PDE4D: variants seen among roughly 807,000 people sequenced by gnomAD.
PDE4D encodes the protein 3',5'-cyclic-AMP phosphodiesterase 4D.
In PDE4D, 24 loss-of-function variants were observed where a neutral mutation model predicts 87.4. The ratio of observed to expected loss-of-function variants is 0.27; its 90% CI spans 0.20 to 0.39. The LOEUF (loss-of-function observed/expected upper bound fraction) is 0.39. PDE4D is among the 10% of genes least tolerant of loss of function. The pLI is 1.00. For synonymous variants in PDE4D, 384 were observed against 383.2 expected (o/e 1.00, Z -0.02); for missense variants, 714 against 1,041.0 (o/e 0.69, Z 4.32).
chr5:60,067,244 G>A (rs945769008), intron 2 of PDE4D, among the ~76,000 whole-genome samples: 4 of 152,044 alleles, frequency 2.6e-5, no homozygotes, highest in African/African-American at 9.7e-5. Flanking sequence ...CATGTGATCT[G>A]TAATGTAAAT....
intron 1 of PDE4D, among the ~76,000 whole-genome samples, chr5:59,220,356 C>T (rs181819017): frequency 8.1e-5 from 9 of 111,452 alleles, no homozygotes; most frequent in East Asian, 3.1e-4. Flanking sequence ...CCAATCTAGG[C>T]GACAGAGCAT....
intron 2 of PDE4D, among the ~76,000 whole-genome samples, chr5:60,140,551 GA>G (rs59594399): frequency 0.72 from 101,240 of 140,882 alleles, 35,951 homozygotes; most frequent in African/African-American, 0.8. Flanking sequence ...AATAAAAGGA[GA>G]AAAAAAAAAA....
At position 58,970,111 on chromosome 5, in the gene PDE4D, A is replaced by G. The variant is rs2153287636; in HGVS notation, c.*4553T>C. The G allele has an allele frequency of 6.6e-6, 1 of 152,290 alleles. No homozygotes were observed. Among genetic ancestry groups the G allele is most frequent in the East Asian group, 1.9e-4 (1 of 5,186 alleles). The allele number at this position is 152,290 out of a possible 1,614,324, so 9.4% of individuals were successfully genotyped here. On this transcript the variant is annotated 3_prime_UTR_variant, in exon 15 of 15. Transcript: ENST00000340635. ...CATGCTTTTATTTTCATTGCATATAAAAATTTCATATGAAGGTATTGATGT... is the reference window on the plus strand; with the variant it reads ...CATGCTTTTATTTTCATTGCATATAGAAATTTCATATGAAGGTATTGATGT...
intron 1 of PDE4D, among the ~76,000 whole-genome samples, chr5:60,363,014 T>C: frequency 6.6e-6 from 1 of 152,172 alleles, no homozygotes; most frequent in Non-Finnish European, 1.5e-5. Context: ...GCTGTGCTTA[T>C]CACCGGTTGC....
intron 1 of PDE4D, among the ~76,000 whole-genome samples, chr5:59,357,534 G>A (rs1781584003): frequency 6.6e-6 from 1 of 152,162 alleles, no homozygotes; most frequent in Non-Finnish European, 1.5e-5. Context: ...ACTTTTGGCA[G>A]CTTTGCCCTC....
chr5:59,419,899 C>T (rs944017314), intron 1 of PDE4D, among the ~76,000 whole-genome samples: 4 of 152,142 alleles, frequency 2.6e-5, no homozygotes, highest in Admixed American at 1.3e-4. Context: ...CAATGTAAGG[C>T]AAAATGTTCA....
intron 1 of PDE4D, among the ~76,000 whole-genome samples, chr5:59,665,822 G>A (rs905023686): frequency 1.3e-5 from 2 of 152,142 alleles, no homozygotes; most frequent in Admixed American, 6.5e-5. Context: ...CTTCTTCCAA[G>A]TGAGGACACA....
At chr5:59,088,317 C>T (rs10065699) in intron 5 of PDE4D, among the ~76,000 whole-genome samples, 39,954 of 151,974 alleles carry the variant, frequency 0.26, 5,471 homozygotes, top group African/African-American at 0.32. Context: ...AAAGGAATAA[C>T]AGGTACTCAG....
At chr5:59,210,819 T>C (rs1246739338) in intron 2 of PDE4D, among the ~76,000 whole-genome samples, 1 of 152,186 alleles carries the variant, frequency 6.6e-6, no homozygotes, top group African/African-American at 2.4e-5. Flanking sequence ...TCCAGGTGAA[T>C]TGAGTATTTC....
At chr5:60,138,030 A>G (rs1321315459) in intron 2 of PDE4D, among the ~76,000 whole-genome samples, 3 of 152,106 alleles carry the variant, frequency 2.0e-5, no homozygotes, top group Admixed American at 1.3e-4. Flanking sequence ...AGCACCATTT[A>G]TTGAATAGGG....
At chr5:60,309,354 T>C (rs866094249) in intron 1 of PDE4D, among the ~76,000 whole-genome samples, 10 of 152,156 alleles carry the variant, frequency 6.6e-5, no homozygotes, top group Non-Finnish European at 1.2e-4. Flanking sequence ...AGAAGTATAA[T>C]GGTCACTGTT....
At position 59,813,229 on chromosome 5, in the gene PDE4D, G is replaced by A. The variant is rs12659743; in HGVS notation, c.455+79939C>T. Among the ~76,000 whole-genome samples the A allele has an allele frequency of 2.4e-3, 373 of 152,250 alleles. 9 individuals carry two copies. In the East Asian group the frequency reaches 0.063, roughly 26 times the overall value. On this transcript the variant is annotated intron_variant, in intron 1 of 14. Coordinates refer to ENST00000340635, the MANE Select transcript of PDE4D (RefSeq NM_001104631.2). ...TGGCAAAGATTACTAACCAAGTCAA[G>A]TTTACATTGGCTCAAGCCTCTCCTA...
intron 1 of PDE4D, among the ~76,000 whole-genome samples, chr5:59,701,411 AT>A (rs967807202): frequency 6.6e-6 from 1 of 152,192 alleles, no homozygotes; most frequent in Non-Finnish European, 1.5e-5. Flanking sequence ...TATTATTTGT[AT>A]TATTTATGTT....
At chr5:59,963,264 G>T (rs1175153804) in intron 3 of PDE4D, among the ~76,000 whole-genome samples, 1 of 152,124 alleles carries the variant, frequency 6.6e-6, no homozygotes, top group African/African-American at 2.4e-5. Context: ...ATCTCAGAGG[G>T]GTGGAAGTCA....
chr5:59,152,134 C>T (rs1302614562), intron 5 of PDE4D, among the ~76,000 whole-genome samples: 1 of 152,100 alleles, frequency 6.6e-6, no homozygotes, highest in Admixed American at 6.5e-5. Flanking sequence ...GGGACATATC[C>T]CTAAATTCTC....
chr5:59,211,452 A>T (rs1750060308), intron 2 of PDE4D, among the ~76,000 whole-genome samples: 1 of 152,078 alleles, frequency 6.6e-6, no homozygotes, highest in African/African-American at 2.4e-5. Flanking sequence ...TCAAATTTTG[A>T]TACTGCTATG....
intron 5 of PDE4D, among the ~76,000 whole-genome samples, chr5:59,119,174 G>A (rs907251402): frequency 2.6e-5 from 4 of 152,070 alleles, no homozygotes; most frequent in Admixed American, 6.6e-5. Flanking sequence ...CCATATTCAC[G>A]AAAGTGAATT....
intron 1 of PDE4D, among the ~76,000 whole-genome samples, chr5:59,440,443 T>C (rs1797437399): frequency 6.6e-6 from 1 of 152,218 alleles, no homozygotes. Context: ...CTAATATCTA[T>C]TGAACATTTA....
chr5:59,743,295 A>C (rs1233829228), intron 1 of PDE4D, among the ~76,000 whole-genome samples: 3 of 152,218 alleles, frequency 2.0e-5, no homozygotes, highest in Non-Finnish European at 4.4e-5. Flanking sequence ...AAAAGCACAC[A>C]GAGGAATGAC....
Sources: allele counts gnomAD v4.1 joint callset (sites outside exome capture counted in the v4.1 genomes callset), GRCh38; gene constraint gnomAD v4.1.1; transcripts MANE v1.5; gene names NCBI Gene and HGNC (gene_info 2026-07-23, HGNC 2026-07-21).